TSHZ2: variants seen among roughly 807,000 people sequenced by gnomAD.
TSHZ2 encodes teashirt homolog 2.
In TSHZ2, 21 loss-of-function variants were observed where a neutral mutation model predicts 74.4. The ratio of observed to expected loss-of-function variants is 0.28; its 90% CI spans 0.20 to 0.41. The LOEUF is 0.41. Among genes scored for constraint, TSHZ2 ranks in the 10% least tolerant of loss-of-function variants. TSHZ2 has a pLI of 1.00. For missense variants in TSHZ2, 1,244 were observed against 1,293.5 expected (o/e 0.96, Z 0.59); for synonymous variants, 540 against 515.3 (o/e 1.05, Z -0.65).
chr20:53,053,651 G>A (rs1480978163), intron 1 of TSHZ2, among the ~76,000 whole-genome samples: 2 of 151,968 alleles, frequency 1.3e-5, no homozygotes, highest in Non-Finnish European at 2.9e-5. Flanking sequence ...GAAATCAATA[G>A]GAGGGATAAC....
intron 2 of TSHZ2, among the ~76,000 whole-genome samples, chr20:53,440,008 T>C (rs1433910982): frequency 1.3e-5 from 2 of 152,158 alleles, no homozygotes; most frequent in Admixed American, 1.3e-4. Context: ...TCAATTATTT[T>C]TATTCTTCAA....
chr20:53,255,708 C>A lies in TSHZ2; in HGVS notation c.2250C>A (p.Ala750=). The A allele has an allele frequency of 6.2e-7, 1 of 1,603,756 alleles. No individual in the cohort carries two copies. Among genetic ancestry groups the A allele is most frequent in the Non-Finnish European group, 8.5e-7 (1 of 1,174,918 alleles). ...TGAGTCCTGCCTCCACAAGGTCAGC[C>A]AGCGTGTCCAGGCGCTACCTGTTTG... The part of the protein sequence containing the change: ...PVLSPASTRS[A]SVSRRYLFEN... The change falls in exon 2 of 3, where the codon GCC becomes GCA. Residue 750 remains alanine, a synonymous_variant. Transcript: ENST00000371497. This position sits in a 1 kb window ranked among gnomAD's most constrained non-coding sequence, Gnocchi z 4.1.
Position 53,199,103 on chromosome 20 carries a change from G to A in TSHZ2, c.41-54396G>A, listed in dbSNP as rs186233995. Among the ~76,000 whole-genome samples the A allele has an allele frequency of 2.7e-3, 405 of 152,246 alleles. 2 individuals carry two copies. Among genetic ancestry groups the A allele is most frequent in the African/African-American group, 6.5e-3 (270 of 41,540 alleles). On this transcript the variant is annotated intron_variant, in intron 1 of 2. Coordinates refer to ENST00000371497, the MANE Select transcript of TSHZ2 (RefSeq NM_173485.6). ...CCCATGTAAATGGCTTAAATAAAGC[G>A]TTCTATACAAAGCCATCGTTACAGA... is the stretch of plus-strand genomic sequence containing the variant.
chr20:53,255,094 G>T lies in TSHZ2; in HGVS notation c.1636G>T (p.Ala546Ser), dbSNP rs142479280. ...PSWSAYPSIH[A>S]AYQLSEGTKP... ...CTGGAGTGCCTACCCCAGCATCCACGCAGCCTACCAGCTGTCTGAGGGCAC... is the reference window on the plus strand; with the variant it reads ...CTGGAGTGCCTACCCCAGCATCCACTCAGCCTACCAGCTGTCTGAGGGCAC... Residue 546 changes from alanine (A) to serine (S), a missense_variant, in exon 2 of 3, where the codon GCA becomes TCA. Physicochemically the swap from Ala to Ser is moderately conservative, Grantham distance 99 (BLOSUM62 1). Transcript: ENST00000371497. The surrounding 1 kb of genome is among the most constrained non-coding windows in gnomAD (Gnocchi z 4.1). 3 of 1,613,988 alleles carry T rather than the reference G, an allele frequency of 1.9e-6. No individual in the cohort carries two copies. Among genetic ancestry groups the T allele is most frequent in the Non-Finnish European group, 2.5e-6 (3 of 1,180,028 alleles).
intron 2 of TSHZ2, among the ~76,000 whole-genome samples, chr20:53,463,208 G>T (rs1414308690): frequency 6.6e-6 from 1 of 152,138 alleles, no homozygotes; most frequent in Admixed American, 6.6e-5. Flanking sequence ...GTATGCTTGT[G>T]AAGGAACTTA....
chr20:52,983,280 G>A lies in TSHZ2; in HGVS notation c.40+9947G>A, dbSNP rs1981634411. On this transcript the variant is annotated intron_variant, in intron 1 of 2. Transcript: ENST00000371497. ...TTTGCTCACCTCACATTTTACTTGTGATAATTAGATTATGTGACACATATA... is the reference window on the plus strand; with the variant it reads ...TTTGCTCACCTCACATTTTACTTGTAATAATTAGATTATGTGACACATATA... Among the ~76,000 whole-genome samples, 3 of 152,280 alleles carry A rather than the reference G, an allele frequency of 2.0e-5. No homozygotes were observed. In the South Asian group the frequency reaches 6.2e-4, roughly 32 times the overall value.
intron 1 of TSHZ2, among the ~76,000 whole-genome samples, chr20:53,102,405 A>C (rs1163098582): frequency 6.6e-6 from 1 of 151,686 alleles, no homozygotes; most frequent in Non-Finnish European, 1.5e-5. Flanking sequence ...ACGAAAAAAA[A>C]AGAAAAGAAA....
chr20:53,161,680 T>A (rs754935593), intron 1 of TSHZ2, among the ~76,000 whole-genome samples: 5 of 152,176 alleles, frequency 3.3e-5, no homozygotes, highest in Non-Finnish European at 7.3e-5. Flanking sequence ...CAACTCACTA[T>A]CATGAGAACA....
chr20:53,149,795 G>A (rs1359407879), intron 1 of TSHZ2, among the ~76,000 whole-genome samples: 1 of 152,218 alleles, frequency 6.6e-6, no homozygotes, highest in Non-Finnish European at 1.5e-5. Context: ...ACTGAGACCT[G>A]CTGGCAGGCT....
intron 1 of TSHZ2, among the ~76,000 whole-genome samples, chr20:52,998,704 G>A (rs909754456): frequency 1.3e-5 from 2 of 152,130 alleles, no homozygotes; most frequent in East Asian, 1.9e-4. Flanking sequence ...GTTCCATGAG[G>A]GCAGGAACCA....
intron 1 of TSHZ2, among the ~76,000 whole-genome samples, chr20:53,022,708 A>G (rs1983288296): frequency 6.6e-6 from 1 of 152,246 alleles, no homozygotes; most frequent in Non-Finnish European, 1.5e-5. Context: ...ACAATAATTT[A>G]CGTGTAATCG....
rs139565246 is a variant in TSHZ2 at position 53,254,054 on chromosome 20, G to A, written c.596G>A (p.Arg199Gln). The A allele has an allele frequency of 5.1e-4, 818 of 1,613,974 alleles. 1 individual carries two copies. Among genetic ancestry groups the A allele is most frequent in the Non-Finnish European group, 6.1e-4 (716 of 1,180,040 alleles). ...PSLFSSVQLY[R>Q]QSSKMCGTVF... The stretch of plus-strand genomic sequence containing the variant: ...CTGTTCAGCTCGGTGCAGTTGTACC[G>A]ACAGAGCAGCAAGATGTGCGGGACT... The change falls in exon 2 of 3, where the codon CGA (arginine) becomes CAA (glutamine). Residue 199 changes from arginine to glutamine, a missense_variant. Around this residue, in one of 6 missense-constraint regions of TSHZ2, gnomAD observed 470 missense variants for 456.5 expected, o/e 1.03. Coordinates refer to ENST00000371497, the MANE Select transcript of TSHZ2 (RefSeq NM_173485.6).
rs186454501 is a variant in TSHZ2, at chr20:53,353,489, C to T, written c.*8+96918C>T. ...AGCCTAAAATTGTGAATGTCATTCC[C>T]GTGCCATTAAGCATTTTCTTCTACA... On this transcript the variant is annotated intron_variant, in intron 2 of 2. Transcript: ENST00000371497. Among the ~76,000 whole-genome samples, 12 of 152,274 alleles carry T rather than the reference C, an allele frequency of 7.9e-5. 1 individual carries two copies. The East Asian group carries it at 1.3e-3, about 17-fold the overall frequency.
intron 1 of TSHZ2, among the ~76,000 whole-genome samples, chr20:53,057,704 C>G (rs1437219991): frequency 6.6e-6 from 1 of 152,194 alleles, no homozygotes. Context: ...ATTCATACTG[C>G]TTTAGCAGCC....
At chr20:53,233,922 C>A (rs777827964) in intron 1 of TSHZ2, among the ~76,000 whole-genome samples, 24 of 152,094 alleles carry the variant, frequency 1.6e-4, no homozygotes, top group Non-Finnish European at 3.4e-4. Context: ...CAATTAAAAA[C>A]TTTTTAAATG....
intron 2 of TSHZ2, among the ~76,000 whole-genome samples, chr20:53,433,576 GACACACAGACACACACACAC>G (rs1942031695): frequency 1.3e-5 from 1 of 76,700 alleles, no homozygotes; most frequent in South Asian, 4.4e-4. Flanking sequence ...CAGACACACA[GACACACAGACACACACACAC>G]ACACACACAC....
intron 1 of TSHZ2, among the ~76,000 whole-genome samples, chr20:52,997,166 G>A (rs1321665761): frequency 6.6e-6 from 1 of 152,128 alleles, no homozygotes; most frequent in African/African-American, 2.4e-5. Context: ...CATAGTGCAG[G>A]CATCTCTTTC....
intron 1 of TSHZ2, among the ~76,000 whole-genome samples, chr20:53,112,061 C>T (rs73911309): frequency 0.078 from 11,827 of 152,214 alleles, 1,056 homozygotes; most frequent in African/African-American, 0.22. Flanking sequence ...AGAATATGGG[C>T]CTTCCCTCAC....
At chr20:53,391,599 G>A (rs765847364) in intron 2 of TSHZ2, among the ~76,000 whole-genome samples, 1 of 151,978 alleles carries the variant, frequency 6.6e-6, no homozygotes, top group African/African-American at 2.4e-5. Flanking sequence ...GTCCAGCCCA[G>A]TGTACTATTT....
Sources: allele counts gnomAD v4.1 joint callset (sites outside exome capture counted in the v4.1 genomes callset), GRCh38; gene constraint gnomAD v4.1.1; regional missense constraint gnomAD v4.1.1; non-coding constraint Gnocchi (gnomAD v3.1); transcripts MANE v1.5; gene names NCBI Gene and HGNC (gene_info 2026-07-23, HGNC 2026-07-21).